FAP: variants seen among roughly 807,000 people sequenced by gnomAD.
FAP encodes prolyl endopeptidase FAP.
FAP carries 110 observed loss-of-function variants against 126.5 expected under a neutral mutation model. That is an observed-to-expected ratio of 0.87 (90% CI 0.74 to 1.02). FAP has a LOEUF of 1.02. Among genes scored for constraint, FAP ranks in the 50% least tolerant of loss-of-function variants. The probability of loss-of-function intolerance (pLI) is 0.00; values close to 1 mark genes in which losing one functional copy is unlikely to be tolerated. For synonymous variants in FAP, 334 were observed against 297.3 expected, an observed-to-expected ratio of 1.12 and a Z score of -1.27; for missense variants, 919 against 909.2, an observed-to-expected ratio of 1.01 and a Z score of -0.14.
chr2:162,196,550 A>G (rs1218938250), intron 16 of FAP, among the ~76,000 whole-genome samples: 1 of 149,608 alleles, frequency 6.7e-6, no homozygotes, highest in Non-Finnish European at 1.5e-5. Context: ...AAAAAATGAG[A>G]CAGATAAATG....
At chr2:162,237,033 T>G (rs1485245167) in intron 2 of FAP, among the ~76,000 whole-genome samples, 1 of 152,190 alleles carries the variant, frequency 6.6e-6, no homozygotes, top group Non-Finnish European at 1.5e-5. Flanking sequence ...TTTTTATTAT[T>G]AATGGGAATA....
chr2:162,217,982 A>C lies in FAP; in HGVS notation c.762+4T>G. On this transcript the variant is annotated splice_donor_region_variant and intron_variant, in intron 9 of 25. Coordinates refer to ENST00000188790, the MANE Select transcript of FAP (RefSeq NM_004460.5). ...GAAAGCATCGCTGAAAGTATTCAAC[A>C]TACCTTTGGGTATGGAATATTTATT... 3 of 1,570,982 alleles carry C rather than the reference A, an allele frequency of 1.9e-6. No homozygotes were observed. The highest frequency in any genetic ancestry group is 1.7e-6 in the Non-Finnish European group (2 of 1,159,546).
intron 9 of FAP, 24 bp from the exon 10 acceptor site, chr2:162,216,025 A>G: frequency 6.5e-7 from 1 of 1,531,864 alleles, no homozygotes; most frequent in South Asian, 1.2e-5. Flanking sequence ...TGAGATATAT[A>G]AGCTCATAAA....
At chr2:162,187,018 C>T (rs984742854) in intron 20 of FAP, among the ~76,000 whole-genome samples, 5 of 151,890 alleles carry the variant, frequency 3.3e-5, no homozygotes, top group African/African-American at 1.2e-4. Flanking sequence ...ACTAATTTGT[C>T]GTATTGTACT....
intron 12 of FAP, among the ~76,000 whole-genome samples, chr2:162,205,137 T>C (rs1688654904): frequency 6.6e-6 from 1 of 152,222 alleles, no homozygotes; most frequent in South Asian, 2.1e-4. Flanking sequence ...GAACATCTTC[T>C]GGTTCTGAGT....
rs1687364514 is a variant in FAP, at chr2:162,172,886, T to G, written c.2108-2A>C. The G allele has an allele frequency of 6.2e-7, 1 of 1,610,016 alleles. No individual in the cohort carries two copies. On this transcript the variant is annotated splice_acceptor_variant, in intron 24 of 25. Coordinates refer to ENST00000188790, the MANE Select transcript of FAP (RefSeq NM_004460.5). LOFTEE classifies it high-confidence loss of function. Reference sequence around the variant, plus strand: ...CTGAGTTTTGAAAGTGCACATTATCTGCAACAAAGAGAGAGAGAGTTAAAG... The same window carrying G: ...CTGAGTTTTGAAAGTGCACATTATCGGCAACAAAGAGAGAGAGAGTTAAAG...
At chr2:162,181,336 A>T (rs1188072863) in intron 21 of FAP, among the ~76,000 whole-genome samples, 1 of 152,108 alleles carries the variant, frequency 6.6e-6, no homozygotes, top group Non-Finnish European at 1.5e-5. Flanking sequence ...AATGAAGAGA[A>T]AGGTGTCACA....
intron 17 of FAP, 104 bp downstream of exon 17, chr2:162,194,597 T>G: frequency 1.1e-6 from 1 of 949,470 alleles, no homozygotes; most frequent in Non-Finnish European, 1.7e-6. Flanking sequence ...TCCATCGCAG[T>G]TCCCCTTGGT....
chr2:162,186,347 T>G (rs1687866965), intron 20 of FAP, among the ~76,000 whole-genome samples: 1 of 152,136 alleles, frequency 6.6e-6, no homozygotes, highest in Non-Finnish European at 1.5e-5. Flanking sequence ...CTAGTCCATC[T>G]TCAATTCTAA....
intron 2 of FAP, among the ~76,000 whole-genome samples, chr2:162,240,664 A>C (rs924395007): frequency 2.0e-5 from 3 of 152,256 alleles, no homozygotes; most frequent in Admixed American, 2.0e-4. Flanking sequence ...AGAAGAAGAC[A>C]GTTCATACAC....
chr2:162,218,086 A>C lies in FAP; in HGVS notation c.662T>G (p.Leu221Trp), dbSNP rs1576180758. ...ALWWSPNGKF[L>W]AYAEFNDTDI... The stretch of plus-strand genomic sequence containing the variant: ...CGTATCATTAAATTCCGCATATGCC[A>C]AAAATTTTCCATTAGGAGACCACCA... Residue 221 changes from leucine to tryptophan, a missense_variant, in exon 9 of 26, where the codon TTG (leucine) becomes TGG (tryptophan). Physicochemically the swap from Leu to Trp is moderately conservative, Grantham distance 61. Transcript: ENST00000188790. 1.2e-6 allele frequency: 2 copies of C among 1,608,602 alleles called. No individual in the cohort carries two copies. The highest frequency in any genetic ancestry group is 1.7e-6 in the Non-Finnish European group (2 of 1,177,056).
At chr2:162,199,576 AATCAGAATTCC>A (rs1688411233) in intron 15 of FAP, among the ~76,000 whole-genome samples, 1 of 152,142 alleles carries the variant, frequency 6.6e-6, no homozygotes, top group Non-Finnish European at 1.5e-5. Context: ...ACACCCTCAG[AATCAGAATTCC>A]ATGTGGAGGA....
intron 10 of FAP, among the ~76,000 whole-genome samples, chr2:162,214,461 T>G (rs1426880868): frequency 6.6e-6 from 1 of 151,964 alleles, no homozygotes; most frequent in Non-Finnish European, 1.5e-5. Flanking sequence ...GAGAGACAAG[T>G]GTGATAAAAG....
intron 21 of FAP, among the ~76,000 whole-genome samples, chr2:162,179,441 C>T (rs1374223801): frequency 1.3e-5 from 2 of 152,006 alleles, no homozygotes; most frequent in South Asian, 2.1e-4. Flanking sequence ...CTTGCTGTGG[C>T]CAAGCATTGT....
chr2:162,197,124 T>C (rs1431199238), intron 16 of FAP, among the ~76,000 whole-genome samples: 1 of 152,206 alleles, frequency 6.6e-6, no homozygotes, highest in Non-Finnish European at 1.5e-5. Flanking sequence ...GTAAATGTAG[T>C]GTCACTGATG....
intron 16 of FAP, among the ~76,000 whole-genome samples, chr2:162,197,040 T>C (rs1053798433): frequency 2.6e-5 from 4 of 152,188 alleles, no homozygotes; most frequent in African/African-American, 9.6e-5. Context: ...TAATACAAAA[T>C]GTGAGATAGT....
intron 25 of FAP, 80 bp downstream of exon 25, chr2:162,172,731 T>TA (rs1388805828): frequency 5.7e-5 from 52 of 909,286 alleles, no homozygotes; most frequent in South Asian, 2.1e-4. Flanking sequence ...CTTTAAAAGT[T>TA]AAAAAAAATA....
At chr2:162,208,085 G>A (rs536336841) in intron 12 of FAP, among the ~76,000 whole-genome samples, 3 of 151,576 alleles carry the variant, frequency 2.0e-5, no homozygotes, top group African/African-American at 7.2e-5. Flanking sequence ...GTGAAACCCC[G>A]TCTCTATTAA....
Position 162,194,735 on chromosome 2 carries a change from G to T in FAP, c.1416C>A (p.Pro472=), listed in dbSNP as rs1405125238. The part of the protein sequence containing the change: ...YALVCYGPGI[P]ISTLHDGRTD... Reference sequence around the variant, plus strand: ...TGCGTCCATCATGAAGGGTGGAAATGGGGATGCCTGGGCCTGTGGGCAGGA... The same window carrying T: ...TGCGTCCATCATGAAGGGTGGAAATTGGGATGCCTGGGCCTGTGGGCAGGA... Residue 472 remains proline, a synonymous_variant, in exon 17 of 26, where the codon CCC becomes CCA. Transcript: ENST00000188790. 1.2e-6 allele frequency: 2 copies of T among 1,613,500 alleles called. No individual in the cohort carries two copies. The highest frequency in any genetic ancestry group is 1.7e-6 in the Non-Finnish European group (2 of 1,179,676).
Sources: allele counts gnomAD v4.1 joint callset (sites outside exome capture counted in the v4.1 genomes callset), GRCh38; gene constraint gnomAD v4.1.1; transcripts MANE v1.5; gene names NCBI Gene and HGNC (gene_info 2026-07-23, HGNC 2026-07-21).